The following ENPP1 variants were observed in gnomAD, a reference collection of about 807,000 sequenced individuals.
ENPP1 encodes the protein ectonucleotide pyrophosphatase/phosphodiesterase 1.
Under a neutral mutation model 122.8 loss-of-function variants are expected in ENPP1, and 73 were observed. That is an observed-to-expected ratio of 0.59 (90% CI 0.49 to 0.72). The LOEUF is 0.72. ENPP1 is among the 30% of genes least tolerant of loss of function. The pLI, the probability that ENPP1 is intolerant of heterozygous loss-of-function variation, is 0.00. For missense variants in ENPP1, 978 were observed against 1,128.1 expected (o/e 0.87, Z 1.91); for synonymous variants, 367 against 391.6 (o/e 0.94, Z 0.74).
At chr6:131,880,394 T>G (rs1215738365) in intron 20 of ENPP1, among the ~76,000 whole-genome samples, 1 of 151,954 alleles carries the variant, frequency 6.6e-6, no homozygotes, top group Non-Finnish European at 1.5e-5. Context: ...AAACTCCATC[T>G]CTACTAAAAA....
At chr6:131,849,867 C>T (rs768453024) in intron 2 of ENPP1, 123 bp from the exon 3 acceptor site, 9 of 753,932 alleles carry the variant, frequency 1.2e-5, no homozygotes, top group Admixed American at 5.8e-5. Context: ...CTTTATTACC[C>T]CATCTGTATT....
chr6:131,816,869 G>T (rs1033373229), intron 1 of ENPP1, among the ~76,000 whole-genome samples: 24 of 152,146 alleles, frequency 1.6e-4, no homozygotes, highest in Non-Finnish European at 3.4e-4. Context: ...TATGATGACA[G>T]TCAATTCTGC....
intron 1 of ENPP1, among the ~76,000 whole-genome samples, chr6:131,818,466 G>A (rs371951825): frequency 1.3e-5 from 2 of 152,124 alleles, no homozygotes; most frequent in African/African-American, 4.8e-5. Context: ...CTAACACGGT[G>A]AAATGCCGTC....
intron 20 of ENPP1, among the ~76,000 whole-genome samples, chr6:131,880,261 T>C (rs529582988): frequency 6.6e-6 from 1 of 152,244 alleles, no homozygotes; most frequent in African/African-American, 2.4e-5. Flanking sequence ...ATGAGGGTCG[T>C]GCAGTAAAGA....
intron 14 of ENPP1, 108 bp downstream of exon 14, chr6:131,872,209 A>G: frequency 3.7e-6 from 3 of 803,002 alleles, no homozygotes; most frequent in Non-Finnish European, 6.3e-6. Context: ...AGAATATTTT[A>G]GTAATCTGGG....
At chr6:131,836,288 A>G (rs1009755204) in intron 1 of ENPP1, among the ~76,000 whole-genome samples, 1 of 151,654 alleles carries the variant, frequency 6.6e-6, no homozygotes, top group Non-Finnish European at 1.5e-5. Flanking sequence ...AATTTTTTGT[A>G]TTTTTAGTAG....
chr6:131,816,236 T>A (rs1368389638), intron 1 of ENPP1, among the ~76,000 whole-genome samples: 2 of 152,102 alleles, frequency 1.3e-5, no homozygotes, highest in Non-Finnish European at 2.9e-5. Flanking sequence ...TATAACTTCT[T>A]TTTTTTTCTT....
chr6:131,893,386 C>T lies in ENPP1; in HGVS notation c.*2875C>T, dbSNP rs1196952114. ...GGGGTGCCAGGCTGCACAAAAGAGA[C>T]ACTGGATGCTTCTTGGTAGTAGAGG... is the stretch of plus-strand genomic sequence containing the variant. On this transcript the variant is annotated 3_prime_UTR_variant, in exon 25 of 25. Transcript: ENST00000647893. 1.3e-5 allele frequency: 2 copies of T among 152,274 alleles called. No individual in the cohort carries two copies. Among genetic ancestry groups the T allele is most frequent in the African/African-American group, 2.4e-5 (1 of 41,460 alleles). 9.4% of individuals were successfully genotyped at this position (152,274 alleles called of 1,614,324 possible).
chr6:131,825,362 G>A (rs1781534418), intron 1 of ENPP1, among the ~76,000 whole-genome samples: 5 of 152,092 alleles, frequency 3.3e-5, no homozygotes, highest in South Asian at 2.1e-4. Flanking sequence ...TTTTGAGTCC[G>A]TAGATGTGTT....
In ENPP1 at chr6:131,890,379, A is replaced by T. The variant is rs986599728; in HGVS notation, c.2646A>T (p.Leu882Phe). Residue 882 changes from leucine (L) to phenylalanine (F), a missense_variant, in exon 25 of 25, where the codon TTA becomes TTT. By Grantham distance (22) the Leu-to-Phe change is conservative. This residue lies in a region of ENPP1 where 644 missense variants were observed against 781.5 expected (regional missense o/e 0.82). Coordinates refer to ENST00000647893, the MANE Select transcript of ENPP1 (RefSeq NM_006208.3). The part of the protein sequence containing the change: ...KHDSSWVEEL[L>F]MLHRARITDV... Reference sequence around the variant, plus strand: ...ACTCCTCATGGGTTGAAGAATTGTTAATGTTACACAGAGCACGGATCACAG... The same window carrying T: ...ACTCCTCATGGGTTGAAGAATTGTTTATGTTACACAGAGCACGGATCACAG... 1.2e-6 allele frequency: 2 copies of T among 1,613,796 alleles called. No individual in the cohort carries two copies. Among genetic ancestry groups the T allele is most frequent in the Non-Finnish European group, 8.5e-7 (1 of 1,179,778 alleles).
At chr6:131,808,548 A>ACTT (rs1781310770) in intron 1 of ENPP1, among the ~76,000 whole-genome samples, 1 of 152,232 alleles carries the variant, frequency 6.6e-6, no homozygotes, top group Non-Finnish European at 1.5e-5. Flanking sequence ...ATCCTTAGAA[A>ACTT]TACTCGACCC....
intron 24 of ENPP1, among the ~76,000 whole-genome samples, chr6:131,888,117 C>G (rs1782412647): frequency 1.3e-5 from 2 of 152,116 alleles, no homozygotes; most frequent in Non-Finnish European, 2.9e-5. Context: ...TGGCCTTAGC[C>G]TCCCAAAGTG....
chr6:131,862,731 G>A (rs150108305), intron 9 of ENPP1, among the ~76,000 whole-genome samples: 3 of 152,316 alleles, frequency 2.0e-5, no homozygotes, highest in Admixed American at 2.0e-4. Context: ...AATATCTCAA[G>A]CGCTCATCTG....
At chr6:131,858,264 A>G (rs1287912897) in intron 6 of ENPP1, among the ~76,000 whole-genome samples, 1 of 152,148 alleles carries the variant, frequency 6.6e-6, no homozygotes, top group Non-Finnish European at 1.5e-5. Context: ...ATGGCCTGGG[A>G]CCCTGTCTTC....
In ENPP1 at chr6:131,886,658, C is replaced by A; in HGVS notation, c.2541C>A (p.His847Gln). ...SCKDTSQTPL[H>Q]CENLDTLAFI... The stretch of plus-strand genomic sequence containing the variant: ...AAGATACATCTCAGACGCCTTTGCA[C>A]TGTGAAAACCTAGACACCTTAGCTT... The change falls in exon 24 of 25, where the codon CAC (histidine) becomes CAA (glutamine). Residue 847 changes from histidine (H) to glutamine (Q), a missense_variant. Coordinates refer to ENST00000647893, the MANE Select transcript of ENPP1 (RefSeq NM_006208.3). 2 of 1,614,046 alleles carry A rather than the reference C, an allele frequency of 1.2e-6. No homozygotes were observed. The highest frequency in any genetic ancestry group is 1.7e-6 in the Non-Finnish European group (2 of 1,179,918).
intron 1 of ENPP1, among the ~76,000 whole-genome samples, chr6:131,831,164 A>G (rs1469306855): frequency 6.6e-6 from 1 of 150,960 alleles, no homozygotes; most frequent in Non-Finnish European, 1.5e-5. Context: ...AAAAAATTTT[A>G]AAAATGAAAT....
chr6:131,892,584 C>G lies in ENPP1; in HGVS notation c.*2073C>G, dbSNP rs541153028. 11 of 152,366 alleles carry G rather than the reference C, an allele frequency of 7.2e-5. No homozygotes were observed. In the South Asian group the frequency reaches 2.3e-3, roughly 32 times the overall value. The allele number at this position is 152,366 out of a possible 1,614,324, so 9.4% of individuals were successfully genotyped here. A position where few individuals can be genotyped will look rare whatever the true frequency, so the allele number is the denominator to read the frequency against. ...AATTCCCAGTAGCCTACACAGCCTT[C>G]TCCGACACCACTCTGGAGTTGTATT... On this transcript the variant is annotated 3_prime_UTR_variant, in exon 25 of 25. Coordinates refer to ENST00000647893, the MANE Select transcript of ENPP1 (RefSeq NM_006208.3).
chr6:131,872,150 T>C, intron 14 of ENPP1, 49 bp downstream of exon 14: 1 of 1,278,768 alleles, frequency 7.8e-7, no homozygotes, highest in Non-Finnish European at 1.1e-6. Flanking sequence ...TTTTGTATAA[T>C]ATATATTGAG....
chr6:131,824,222 T>A (rs1162898892), intron 1 of ENPP1, among the ~76,000 whole-genome samples: 1 of 152,020 alleles, frequency 6.6e-6, no homozygotes, highest in African/African-American at 2.4e-5. Flanking sequence ...GAGGGGGAAT[T>A]AGCCTTGTCC....
Sources: gnomAD v4.1 joint callset for allele counts (sites outside exome capture counted in the v4.1 genomes callset) on GRCh38, gnomAD v4.1.1 for gene constraint, gnomAD v4.1.1 regional missense constraint, MANE v1.5 for transcripts, NCBI Gene and HGNC (gene_info 2026-07-23, HGNC 2026-07-21) for gene names.